Variants in CLXN observed in about 807,000 individuals in gnomAD.
The protein encoded by CLXN is calaxin.
the CLXN span, chr8:48,729,042 C>G: frequency 6.2e-7 from 1 of 1,606,476 alleles, no homozygotes; most frequent in Non-Finnish European, 8.5e-7. Context: ...ATATCAATAC[C>G]TTTGGATCAG....
chr8:48,723,067 G>A, the CLXN span, among the ~76,000 whole-genome samples: 3 of 152,068 alleles, frequency 2.0e-5, no homozygotes, highest in Non-Finnish European at 4.4e-5. Flanking sequence ...AATAAGTTCT[G>A]GAGATGTAAT....
the CLXN span, among the ~76,000 whole-genome samples, chr8:48,720,462 G>A: frequency 6.6e-6 from 1 of 152,140 alleles, no homozygotes; most frequent in African/African-American, 2.4e-5. Context: ...GTTGAGATAA[G>A]GACTGAGATA....
At chr8:48,713,109 A>G in the CLXN span, among the ~76,000 whole-genome samples, 8 of 152,314 alleles carry the variant, frequency 5.3e-5, no homozygotes, top group South Asian at 2.1e-4. Flanking sequence ...TTGTCCCTCA[A>G]TGGCAACTTA....
chr8:48,718,404 G>A, the CLXN span, among the ~76,000 whole-genome samples: 2 of 151,940 alleles, frequency 1.3e-5, no homozygotes, highest in Non-Finnish European at 2.9e-5. Flanking sequence ...TTACAATAAT[G>A]GATAAAATAT....
chr8:48,715,722 G>A, the CLXN span: 1 of 152,352 alleles, frequency 6.6e-6, no homozygotes, highest in South Asian at 2.1e-4. Context: ...TCACACCCCA[G>A]CTGGTGCCTT....
At chr8:48,727,383 A>T in the CLXN span, among the ~76,000 whole-genome samples, 1 of 152,172 alleles carries the variant, frequency 6.6e-6, no homozygotes, top group East Asian at 1.9e-4. Flanking sequence ...CCTAGGTAAT[A>T]AAAAGAGCTG....
the CLXN span, chr8:48,729,789 G>A: frequency 1.2e-6 from 2 of 1,613,438 alleles, no homozygotes; most frequent in African/African-American, 1.3e-5. Context: ...ATGGCTGTTT[G>A]AGAAGGCTGT....
At chr8:48,729,036 CA>C in the CLXN span, 10 of 1,601,602 alleles carry the variant, frequency 6.2e-6, no homozygotes, top group African/African-American at 1.3e-5. Context: ...AAAGTCATAT[CA>C]ATACCTTTGG....
At chr8:48,718,527 A>G in the CLXN span, among the ~76,000 whole-genome samples, 1 of 152,164 alleles carries the variant, frequency 6.6e-6, no homozygotes, top group Non-Finnish European at 1.5e-5. Flanking sequence ...CTTCCCAAGC[A>G]TACATGTAAG....
the CLXN span, among the ~76,000 whole-genome samples, chr8:48,723,077 T>C: frequency 6.6e-6 from 1 of 152,114 alleles, no homozygotes; most frequent in Non-Finnish European, 1.5e-5. Context: ...GGAGATGTAA[T>C]AAACAGCAAT....
the CLXN span, chr8:48,716,365 T>TCCATCCACACCTCC: frequency 4.0e-5 from 6 of 151,822 alleles, no homozygotes; most frequent in East Asian, 1.2e-3. Context: ...CCTGCGCCTC[T>TCCATCCACACCTCC]CCATCCACAC....
the CLXN span, among the ~76,000 whole-genome samples, chr8:48,721,129 G>A: frequency 2.6e-5 from 4 of 151,986 alleles, no homozygotes; most frequent in African/African-American, 2.4e-5. Flanking sequence ...TGCAGGACAC[G>A]AAATCAACTT....
At chr8:48,735,311 G>T in the CLXN span, 1 of 757,500 alleles carries the variant, frequency 1.3e-6, no homozygotes, top group African/African-American at 1.8e-5. Context: ...CCAAGGCAAC[G>T]GCTCAGCCCG....
chr8:48,710,873 C>G, the CLXN span: 3 of 152,322 alleles, frequency 2.0e-5, no homozygotes, highest in African/African-American at 7.2e-5. Flanking sequence ...TTGCCTGGGA[C>G]AACCCCAGAT....
At chr8:48,726,374 A>C in the CLXN span, among the ~76,000 whole-genome samples, 2 of 144,602 alleles carry the variant, frequency 1.4e-5, no homozygotes, top group African/African-American at 5.2e-5. Context: ...TCATCTGCCC[A>C]TCCATCTATT....
chr8:48,718,521 C>T, the CLXN span, among the ~76,000 whole-genome samples: 1 of 151,982 alleles, frequency 6.6e-6, no homozygotes, highest in East Asian at 1.9e-4. Context: ...TACAGTCTTC[C>T]CAAGCATACA....
At chr8:48,711,535 C>G in the CLXN span, 2 of 152,286 alleles carry the variant, frequency 1.3e-5, no homozygotes, top group Non-Finnish European at 2.9e-5. Flanking sequence ...GGCATTACAT[C>G]CAAGCAGGAA....
chr8:48,722,473 T>C, the CLXN span, among the ~76,000 whole-genome samples: 1 of 152,208 alleles, frequency 6.6e-6, no homozygotes, highest in Admixed American at 6.5e-5. Flanking sequence ...GAGAAATCTG[T>C]GTCCTTATGT....
At chr8:48,730,017 T>C in the CLXN span, 9 of 596,446 alleles carry the variant, frequency 1.5e-5, no homozygotes, top group African/African-American at 3.7e-5. Context: ...TGTCAACGTA[T>C]ACTAGGATAT....
Sources: gnomAD v4.1 joint callset for allele counts (sites outside exome capture counted in the v4.1 genomes callset) on GRCh38, gnomAD v4.1.1 for gene constraint, MANE v1.5 for transcripts, NCBI Gene and HGNC (gene_info 2026-07-23, HGNC 2026-07-21) for gene names.